The following GLRA3 variants were observed in gnomAD, a reference collection of about 807,000 sequenced individuals.
GLRA3 encodes the protein glycine receptor alpha 3, also known as glycine receptor subunit alpha-3.
Under a neutral mutation model 60.4 loss-of-function variants are expected in GLRA3, and 44 were observed. The observed-to-expected ratio is 0.73, with a 90% CI of 0.57 to 0.94. The LOEUF is 0.94. Among genes scored for constraint, GLRA3 ranks in the 40% least tolerant of loss-of-function variants. The probability of loss-of-function intolerance (pLI) is 0.00; values close to 1 mark genes in which losing one functional copy is unlikely to be tolerated. For synonymous variants in GLRA3, 223 were observed against 192.9 expected, an observed-to-expected ratio of 1.16 and a Z score of -1.29; for missense variants, 508 against 564.6, an observed-to-expected ratio of 0.90 and a Z score of 1.02.
rs553159490 is a variant in GLRA3 at position 174,688,318 on chromosome 4, CATATATATATATATATATATATATATAT to C, written c.575-5407_575-5380del. On this transcript the variant is annotated intron_variant, in intron 5 of 9. Transcript: ENST00000274093. ...CATAGTACTTATCCTTACCTGACATCATATATATATATATATATATATATATATATATATATATATATATATATATTCA... is the reference window on the plus strand; with the variant it reads ...CATAGTACTTATCCTTACCTGACATCATATATATATATATATATATATTCA... 7.1e-3 allele frequency among the ~76,000 whole-genome samples: 249 copies of C among 34,972 alleles called. 5 individuals are homozygous for C. The highest frequency in any genetic ancestry group is 0.029 in the African/African-American group (235 of 8,204). 22.9% of individuals were successfully genotyped at this position (34,972 alleles called of 152,430 possible). A position where few individuals can be genotyped will look rare whatever the true frequency, so the allele number is the denominator to read the frequency against.
intron 1 of GLRA3, among the ~76,000 whole-genome samples, chr4:174,799,410 C>G (rs866304917): frequency 6.6e-6 from 1 of 152,152 alleles, no homozygotes; most frequent in African/African-American, 2.4e-5. Flanking sequence ...AAAAGAAATT[C>G]GAAGGCAATC....
chr4:174,777,102 G>T (rs1738632352), intron 2 of GLRA3, among the ~76,000 whole-genome samples: 1 of 152,080 alleles, frequency 6.6e-6, no homozygotes, highest in South Asian at 2.1e-4. Flanking sequence ...TTACAGAAAT[G>T]ACACAAAACA....
At position 174,751,061 on chromosome 4, in the gene GLRA3, G is replaced by GTCTATCTA. The variant is rs901405538; in HGVS notation, c.267+15894_267+15901dup. On this transcript the variant is annotated intron_variant, in intron 3 of 9. Coordinates refer to ENST00000274093, the MANE Select transcript of GLRA3 (RefSeq NM_006529.4). ...AGAAAAAAGAGAAGCCTGTCTGTCT[G>GTCTATCTA]TCTATCTATCTATCTATCTATCTAT... 5.3e-3 allele frequency among the ~76,000 whole-genome samples: 735 copies of GTCTATCTA among 139,548 alleles called. 9 individuals are homozygous for GTCTATCTA. Among genetic ancestry groups the GTCTATCTA allele is most frequent in the African/African-American group, 0.018 (685 of 37,276 alleles). 91.5% of individuals were successfully genotyped at this position (139,548 alleles called of 152,430 possible). A position where few individuals can be genotyped will look rare whatever the true frequency, so the allele number is the denominator to read the frequency against.
At chr4:174,776,572 C>T (rs1337351659) in intron 2 of GLRA3, among the ~76,000 whole-genome samples, 1 of 151,870 alleles carries the variant, frequency 6.6e-6, no homozygotes, top group Non-Finnish European at 1.5e-5. Flanking sequence ...TCTCGTAATG[C>T]CTGTGTTGTG....
At chr4:174,719,666 C>T (rs2111107706) in intron 4 of GLRA3, among the ~76,000 whole-genome samples, 1 of 152,230 alleles carries the variant, frequency 6.6e-6, no homozygotes, top group East Asian at 1.9e-4. Flanking sequence ...TTAGAATGAG[C>T]TTCTGTAACC....
At chr4:174,692,759 A>G (rs998986154) in intron 5 of GLRA3, among the ~76,000 whole-genome samples, 11 of 151,730 alleles carry the variant, frequency 7.2e-5, no homozygotes, top group African/African-American at 2.4e-4. Flanking sequence ...GTTAAGAGTC[A>G]TCACCACTCC....
chr4:174,700,807 C>T (rs1385106554), intron 5 of GLRA3, among the ~76,000 whole-genome samples: 1 of 152,148 alleles, frequency 6.6e-6, no homozygotes, highest in Non-Finnish European at 1.5e-5. Flanking sequence ...ACAACATTTC[C>T]TTAAGCCTAA....
At position 174,774,572 on chromosome 4, in the gene GLRA3, T is replaced by C. The variant is rs1738520080; in HGVS notation, c.200-7542A>G. Among the ~76,000 whole-genome samples the C allele has an allele frequency of 2.6e-5, 4 of 152,274 alleles. No homozygotes were observed. The South Asian group carries it at 8.3e-4, about 32-fold the overall frequency. On this transcript the variant is annotated intron_variant, in intron 2 of 9. Transcript: ENST00000274093. ...CCTGTAATATCCCTGCTAAATGCAC[T>C]ACCTAATTTGAATCATGAGGAAGAA... is the stretch of plus-strand genomic sequence containing the variant.
chr4:174,687,546 C>T (rs1734593394), intron 5 of GLRA3, among the ~76,000 whole-genome samples: 2 of 152,034 alleles, frequency 1.3e-5, no homozygotes, highest in South Asian at 2.1e-4. Context: ...TTTGGCAGAC[C>T]ATTTTCTCAA....
chr4:174,721,007 T>TG (rs1736107923), intron 4 of GLRA3, among the ~76,000 whole-genome samples: 7 of 141,558 alleles, frequency 4.9e-5, no homozygotes, highest in African/African-American at 1.8e-4. Context: ...TGTGTGAACT[T>TG]TGTGTGTGTG....
At chr4:174,697,453 G>T (rs1205887328) in intron 5 of GLRA3, among the ~76,000 whole-genome samples, 1 of 152,144 alleles carries the variant, frequency 6.6e-6, no homozygotes, top group African/African-American at 2.4e-5. Flanking sequence ...ACCTGACAAG[G>T]AACAACTGCT....
At chr4:174,816,800 T>C (rs1740520741) in intron 1 of GLRA3, among the ~76,000 whole-genome samples, 1 of 152,168 alleles carries the variant, frequency 6.6e-6, no homozygotes, top group East Asian at 1.9e-4. Flanking sequence ...TAATTTGTGT[T>C]CCCAAATTCT....
chr4:174,759,889 AG>A (rs1464321978), intron 3 of GLRA3, among the ~76,000 whole-genome samples: 1 of 152,184 alleles, frequency 6.6e-6, no homozygotes, highest in African/African-American at 2.4e-5. Context: ...AACCTAAACA[AG>A]AAAGCAAAAC....
chr4:174,681,440 G>A (rs188817709), intron 6 of GLRA3, among the ~76,000 whole-genome samples: 3 of 152,266 alleles, frequency 2.0e-5, no homozygotes, highest in Admixed American at 2.0e-4. Context: ...ATAAGAGGGG[G>A]TCCCAAATCC....
At chr4:174,707,112 C>A (rs1579481391) in intron 5 of GLRA3, among the ~76,000 whole-genome samples, 2 of 151,970 alleles carry the variant, frequency 1.3e-5, no homozygotes, top group Admixed American at 6.5e-5. Context: ...AATGGATATC[C>A]ATTTAAGTAA....
At chr4:174,704,669 T>A (rs1187874517) in intron 5 of GLRA3, among the ~76,000 whole-genome samples, 1 of 144,028 alleles carries the variant, frequency 6.9e-6, no homozygotes, top group African/African-American at 2.5e-5. Flanking sequence ...CATTACTCAC[T>A]ATAGCCAAAA....
chr4:174,828,343 T>C (rs1323928678), intron 1 of GLRA3, among the ~76,000 whole-genome samples: 1 of 152,210 alleles, frequency 6.6e-6, no homozygotes, highest in African/African-American at 2.4e-5. Flanking sequence ...GGTCTGTATT[T>C]CTGCATTAAA....
intron 3 of GLRA3, among the ~76,000 whole-genome samples, chr4:174,760,674 C>A (rs1271925870): frequency 6.6e-6 from 1 of 152,112 alleles, no homozygotes; most frequent in Admixed American, 6.6e-5. Context: ...GCTCCTGCCA[C>A]CCTGCCGGCT....
chr4:174,701,117 AGAG>A (rs762703377), intron 5 of GLRA3, among the ~76,000 whole-genome samples: 33 of 152,316 alleles, frequency 2.2e-4, no homozygotes, highest in Middle Eastern at 6.8e-3. Flanking sequence ...TCATAGCTAG[AGAG>A]GAGAAGTCAA....
Sources: allele counts gnomAD v4.1 joint callset (sites outside exome capture counted in the v4.1 genomes callset), GRCh38; gene constraint gnomAD v4.1.1; transcripts MANE v1.5; gene names NCBI Gene and HGNC (gene_info 2026-07-23, HGNC 2026-07-21).